The following GALNT7 variants were observed in gnomAD, a reference collection of about 807,000 sequenced individuals.
GALNT7 encodes the protein N-acetylgalactosaminyltransferase 7.
A neutral mutation model predicts 82.1 loss-of-function variants in GALNT7; 60 were observed. The ratio of observed to expected loss-of-function variants is 0.73; its 90% CI spans 0.59 to 0.91. GALNT7 has a LOEUF of 0.91. GALNT7 is among the 40% of genes least tolerant of loss of function. GALNT7 has a pLI of 0.00. For synonymous variants in GALNT7, 243 were observed against 275.1 expected (o/e 0.88, Z 1.15); for missense variants, 660 against 804.2 (o/e 0.82, Z 2.17).
At chr4:173,247,867 A>G (rs1314237228) in intron 1 of GALNT7, 113 bp from the exon 2 acceptor site, 5 of 635,478 alleles carry the variant, frequency 7.9e-6, no homozygotes, top group Non-Finnish European at 1.4e-5. Flanking sequence ...TTGTATTCCA[A>G]ACTGTTTTAT....
intron 1 of GALNT7, among the ~76,000 whole-genome samples, chr4:173,183,629 C>T (rs1272977361): frequency 1.3e-5 from 2 of 152,214 alleles, no homozygotes; most frequent in Non-Finnish European, 2.9e-5. Flanking sequence ...ACAAAACCGC[C>T]ATCGTCATCA....
chr4:173,323,953 T>C lies in GALNT7; in HGVS notation c.*2236T>C, dbSNP rs537661263. 3.3e-5 allele frequency: 5 copies of C among 152,390 alleles called. No homozygotes were observed. The highest frequency in any genetic ancestry group is 2.1e-4 in the South Asian group (1 of 4,834). The allele number at this position is 152,390 out of a possible 1,614,324, so 9.4% of individuals were successfully genotyped here. A position where few individuals can be genotyped will look rare whatever the true frequency, so the allele number is the denominator to read the frequency against. On this transcript the variant is annotated 3_prime_UTR_variant, in exon 12 of 12. Coordinates refer to ENST00000265000, the MANE Select transcript of GALNT7 (RefSeq NM_017423.3). ...TTTTTTAGGTGACAAAAATAAAATA[T>C]TGTATTTTAATTCATGGGTTTTTTT...
chr4:173,298,483 C>T (rs1251789952), intron 6 of GALNT7, 186 bp downstream of exon 6: 1 of 520,034 alleles, frequency 1.9e-6, no homozygotes, highest in Non-Finnish European at 3.4e-6. Flanking sequence ...TTGCTTTTAC[C>T]CTAAATGTGA....
intron 2 of GALNT7, among the ~76,000 whole-genome samples, chr4:173,269,950 C>G (rs1200707799): frequency 6.6e-6 from 1 of 152,134 alleles, no homozygotes; most frequent in Non-Finnish European, 1.5e-5. Context: ...TAGAGACACC[C>G]CACCTCATCA....
intron 1 of GALNT7, among the ~76,000 whole-genome samples, chr4:173,236,436 C>T (rs1734232301): frequency 6.6e-6 from 1 of 152,210 alleles, no homozygotes; most frequent in Admixed American, 6.5e-5. Flanking sequence ...TCTCTGACAA[C>T]ATCTTGGCTT....
At chr4:173,262,586 T>G (rs1735316472) in intron 2 of GALNT7, among the ~76,000 whole-genome samples, 1 of 152,222 alleles carries the variant, frequency 6.6e-6, no homozygotes, top group African/African-American at 2.4e-5. Flanking sequence ...GTCAGTTGTT[T>G]TTGTTGAAGT....
chr4:173,272,318 C>G (rs1285421663), intron 2 of GALNT7, among the ~76,000 whole-genome samples: 2 of 152,338 alleles, frequency 1.3e-5, no homozygotes, highest in South Asian at 2.1e-4. Flanking sequence ...CAAACTGATA[C>G]TATTTCAAGA....
chr4:173,201,558 T>G (rs1732945589), intron 1 of GALNT7, among the ~76,000 whole-genome samples: 1 of 152,222 alleles, frequency 6.6e-6, no homozygotes, highest in African/African-American at 2.4e-5. Context: ...ATATCTTATT[T>G]CTAGATTGGG....
chr4:173,261,965 A>G (rs1735284829), intron 2 of GALNT7, among the ~76,000 whole-genome samples: 1 of 152,204 alleles, frequency 6.6e-6, no homozygotes, highest in South Asian at 2.1e-4. Context: ...TTCATTACAT[A>G]TTACATATTT....
chr4:173,213,203 C>T (rs376145014), intron 1 of GALNT7, among the ~76,000 whole-genome samples: 77 of 144,994 alleles, frequency 5.3e-4, no homozygotes, highest in Middle Eastern at 3.4e-3. Flanking sequence ...TGTGATTTCT[C>T]GTTTTACATT....
At chr4:173,184,422 C>A (rs1177644810) in intron 1 of GALNT7, among the ~76,000 whole-genome samples, 2 of 152,038 alleles carry the variant, frequency 1.3e-5, no homozygotes, top group Non-Finnish European at 2.9e-5. Context: ...CACGGCGAAA[C>A]CCCGTCTCCA....
At chr4:173,293,280 G>A (rs1256827419) in intron 3 of GALNT7, among the ~76,000 whole-genome samples, 1 of 151,386 alleles carries the variant, frequency 6.6e-6, no homozygotes, top group Non-Finnish European at 1.5e-5. Flanking sequence ...TTTTACTGTT[G>A]TCTTTTTTTT....
At chr4:173,189,374 G>C (rs1383445621) in intron 1 of GALNT7, among the ~76,000 whole-genome samples, 1 of 152,306 alleles carries the variant, frequency 6.6e-6, no homozygotes, top group Middle Eastern at 3.4e-3. Flanking sequence ...GTGGTTCCTT[G>C]ACTCCAGTTA....
chr4:173,301,716 A>C (rs1736944098), intron 6 of GALNT7, among the ~76,000 whole-genome samples: 1 of 152,228 alleles, frequency 6.6e-6, no homozygotes, highest in Non-Finnish European at 1.5e-5. Flanking sequence ...AGTGTTTTTA[A>C]GAGTGAAAGA....
intron 2 of GALNT7, among the ~76,000 whole-genome samples, chr4:173,260,310 G>T (rs956498370): frequency 6.6e-6 from 1 of 152,174 alleles, no homozygotes; most frequent in Admixed American, 6.5e-5. Context: ...TCTTACTGAG[G>T]ACTATAGACT....
At chr4:173,192,558 C>T (rs1470216300) in intron 1 of GALNT7, among the ~76,000 whole-genome samples, 1 of 152,156 alleles carries the variant, frequency 6.6e-6, no homozygotes, top group African/African-American at 2.4e-5. Flanking sequence ...GCTGCCATGC[C>T]ACCAGAAGGG....
intron 1 of GALNT7, among the ~76,000 whole-genome samples, chr4:173,186,316 AG>A (rs1400356545): frequency 3.9e-5 from 6 of 152,234 alleles, no homozygotes; most frequent in Admixed American, 3.9e-4. Context: ...ATATAGTAAA[AG>A]TACACATGGA....
At chr4:173,216,832 G>C (rs1733488046) in intron 1 of GALNT7, among the ~76,000 whole-genome samples, 1 of 143,750 alleles carries the variant, frequency 7.0e-6, no homozygotes, top group South Asian at 2.3e-4. Context: ...CCAGCTTCAA[G>C]TGATTCTCCT....
At chr4:173,184,856 G>C (rs913807547) in intron 1 of GALNT7, among the ~76,000 whole-genome samples, 1 of 152,064 alleles carries the variant, frequency 6.6e-6, no homozygotes, top group African/African-American at 2.4e-5. Context: ...CTTCTTGTCA[G>C]CTGTCTATGA....
Sources: allele counts gnomAD v4.1 joint callset (sites outside exome capture counted in the v4.1 genomes callset), GRCh38; gene constraint gnomAD v4.1.1; transcripts MANE v1.5; gene names NCBI Gene and HGNC (gene_info 2026-07-23, HGNC 2026-07-21).